GYG2: variants seen among roughly 807,000 people sequenced by gnomAD.
GYG2 encodes glycogenin-2.
A neutral mutation model predicts 29.4 loss-of-function variants in GYG2; 29 were observed. The ratio of observed to expected loss-of-function variants is 0.99; its 90% CI spans 0.74 to 1.35. The LOEUF (loss-of-function observed/expected upper bound fraction) is 1.35. Ranked by LOEUF, GYG2 falls within the 40% of genes most tolerant of loss-of-function variation. The pLI is 0.00. For missense variants in GYG2, 370 were observed against 385.7 expected (o/e 0.96, Z 0.34); for synonymous variants, 167 against 172.3 (o/e 0.97, Z 0.24).
chrX:2,853,047 C>T (rs1411136455), intron 3 of GYG2: 1 of 111,457 alleles, frequency 9.0e-6, no homozygotes, highest in Non-Finnish European at 1.9e-5. Flanking sequence ...CAGAGTCCCA[C>T]TCTGTCGCCC....
intron 1 of GYG2, among the ~76,000 whole-genome samples, chrX:2,829,791 G>C (rs1286121523): frequency 9.1e-6 from 1 of 110,312 alleles, no homozygotes; most frequent in East Asian, 2.9e-4. Flanking sequence ...TGTCCCGGGG[G>C]CGTTGTCGTT....
At chrX:2,860,805 C>G (rs2088144773) in intron 7 of GYG2, among the ~76,000 whole-genome samples, 1 of 110,925 alleles carries the variant, frequency 9.0e-6, no homozygotes, top group Admixed American at 9.6e-5. Flanking sequence ...TCTCGGCTCA[C>G]TGCAACCTCC....
intron 8 of GYG2, among the ~76,000 whole-genome samples, chrX:2,864,880 A>G (rs2088262440): frequency 9.1e-6 from 1 of 109,742 alleles, no homozygotes. Context: ...CTCCTGCCTC[A>G]GCCTCCTGAG....
chrX:2,843,080 T>C (rs1362003359), intron 2 of GYG2, 133 bp from the exon 3 acceptor site: 1 of 575,565 alleles, frequency 1.7e-6, no homozygotes, highest in African/African-American at 2.2e-5. Flanking sequence ...CCCAAAGTGC[T>C]GGAATGACAG....
intron 5 of GYG2, 106 bp from the exon 6 acceptor site, chrX:2,856,392 C>A: frequency 1.5e-6 from 1 of 663,231 alleles, no homozygotes; most frequent in Non-Finnish European, 2.3e-6. Flanking sequence ...GAATTAGTAA[C>A]CCTGAAGGCA....
intron 9 of GYG2, 81 bp from the exon 10 acceptor site, chrX:2,877,119 A>G (rs1343560969): frequency 8.7e-7 from 1 of 1,147,140 alleles, no homozygotes; most frequent in Non-Finnish European, 1.2e-6. Flanking sequence ...ACCCCAGGAT[A>G]AAGAGTTCTC....
intron 8 of GYG2, among the ~76,000 whole-genome samples, chrX:2,867,510 A>C (rs1480123336): frequency 9.0e-6 from 1 of 111,622 alleles, no homozygotes; most frequent in Non-Finnish European, 1.9e-5. Context: ...GGGAGAGGTC[A>C]TGCTGGCCTC....
intron 3 of GYG2, among the ~76,000 whole-genome samples, chrX:2,852,094 A>G (rs777444224): frequency 9.0e-6 from 1 of 111,011 alleles, no homozygotes; most frequent in Non-Finnish European, 1.9e-5. Context: ...ATTTCTACCA[A>G]AAAATACAAA....
chrX:2,867,586 G>T (rs2088329044), intron 8 of GYG2, among the ~76,000 whole-genome samples: 1 of 111,445 alleles, frequency 9.0e-6, no homozygotes. Flanking sequence ...CCTAGGGAAA[G>T]GAGGGGACAC....
chrX:2,831,116 A>G (rs758354805), intron 2 of GYG2, among the ~76,000 whole-genome samples: 1 of 112,945 alleles, frequency 8.9e-6, no homozygotes, highest in East Asian at 2.8e-4. Context: ...ACCTCTTCCC[A>G]TAAGAAAGAT....
Position 2,860,001 on chromosome X carries a change from A to G in GYG2, c.773A>G (p.Asn258Ser), listed in dbSNP as rs774198371. ...CATCTCTGGTGGACGGTCTACCAGA[A>G]CAACGTGCTGCCCCTTTATAAAAGC... ...FLHLWWTVYQNNVLPLYKSVQ... is the reference protein window; with the variant it reads ...FLHLWWTVYQSNVLPLYKSVQ... Residue 258 changes from asparagine to serine, a missense_variant, in exon 7 of 11, where the codon AAC becomes AGC. Coordinates refer to ENST00000398806, the MANE Select transcript of GYG2 (RefSeq NM_001079855.2). 6 of 1,202,976 alleles carry G rather than the reference A, an allele frequency of 5.0e-6. No individual in the cohort carries two copies. The East Asian group carries it at 1.2e-4, about 24-fold the overall frequency.
At chrX:2,880,918 C>T in intron 10 of GYG2, 134 bp from the exon 11 acceptor site, 1 of 537,627 alleles carries the variant, frequency 1.9e-6, no homozygotes, top group Non-Finnish European at 3.1e-6. Flanking sequence ...AAACAAAGTG[C>T]TAGTGATTCG....
chrX:2,835,389 C>A (rs370085030), intron 2 of GYG2, among the ~76,000 whole-genome samples: 1 of 111,810 alleles, frequency 8.9e-6, no homozygotes, highest in African/African-American at 3.3e-5. Context: ...GGCCTGAACT[C>A]GTTTTTCAGG....
In GYG2 at chrX:2,880,760, C is replaced by G. The variant is rs73435448; in HGVS notation, c.1252-292C>G. ...CCATCTGTGCAAAAAATACAAAAATCAGCTGGGCATGGTGATGTGCCCTGT... is the reference window on the plus strand; with the variant it reads ...CCATCTGTGCAAAAAATACAAAAATGAGCTGGGCATGGTGATGTGCCCTGT... On this transcript the variant is annotated intron_variant, in intron 10 of 10. Coordinates refer to ENST00000398806, the MANE Select transcript of GYG2 (RefSeq NM_001079855.2). Among the ~76,000 whole-genome samples, 1,146 of 110,480 alleles carry G rather than the reference C, an allele frequency of 0.01. 17 individuals are homozygous for G. Among genetic ancestry groups the G allele is most frequent in the African/African-American group, 0.036 (1,081 of 30,352 alleles).
intron 2 of GYG2, among the ~76,000 whole-genome samples, chrX:2,840,510 A>C (rs1257821365): frequency 2.7e-5 from 3 of 112,306 alleles, no homozygotes; most frequent in Non-Finnish European, 5.6e-5. Context: ...AAGAAGTAGT[A>C]ATCACCATTA....
intron 8 of GYG2, among the ~76,000 whole-genome samples, chrX:2,867,968 C>T (rs1445802042): frequency 2.8e-5 from 3 of 108,841 alleles, no homozygotes; most frequent in South Asian, 4.1e-4. Flanking sequence ...TGGTGGCGTG[C>T]GCCTGTAATC....
intron 6 of GYG2, among the ~76,000 whole-genome samples, chrX:2,857,535 TATCTAG>T (rs1213447717): frequency 1.9e-4 from 21 of 111,073 alleles, no homozygotes; most frequent in Non-Finnish European, 3.2e-4. Context: ...TCTCTCTATG[TATCTAG>T]ATCTAGATCT....
At chrX:2,849,851 A>G (rs1199548256) in intron 3 of GYG2, among the ~76,000 whole-genome samples, 1 of 112,190 alleles carries the variant, frequency 8.9e-6, no homozygotes, top group Non-Finnish European at 1.9e-5. Context: ...ACAGTGGCTC[A>G]TGCCTGTAAC....
intron 2 of GYG2, among the ~76,000 whole-genome samples, chrX:2,830,837 C>T (rs1044628763): frequency 4.4e-5 from 5 of 112,446 alleles, no homozygotes; most frequent in Non-Finnish European, 9.4e-5. Flanking sequence ...GTGGGAGGGT[C>T]CTGAGCCCAG....
Sources: allele counts gnomAD v4.1 joint callset (sites outside exome capture counted in the v4.1 genomes callset), GRCh38; gene constraint gnomAD v4.1.1; transcripts MANE v1.5; gene names NCBI Gene and HGNC (gene_info 2026-07-23, HGNC 2026-07-21).